TIMELESS: variants seen among roughly 807,000 people sequenced by gnomAD.
The protein encoded by TIMELESS is protein timeless homolog.
TIMELESS carries 124 observed loss-of-function variants against 164.3 expected under a neutral mutation model. That is an observed-to-expected ratio of 0.75 (90% CI 0.65 to 0.88). The LOEUF (loss-of-function observed/expected upper bound fraction) is 0.88, where lower values mean the gene tolerates loss of function less well. TIMELESS is among the 40% of genes least tolerant of loss of function. The pLI is 0.00. For synonymous variants in TIMELESS, 564 were observed against 563.4 expected, an observed-to-expected ratio of 1.00 and a Z score of -0.02; for missense variants, 1,422 against 1,491.4, an observed-to-expected ratio of 0.95 and a Z score of 0.77.
At chr12:56,424,565 A>C (rs1041867458) in intron 15 of TIMELESS, among the ~76,000 whole-genome samples, 197 bp downstream of exon 15, 4 of 152,080 alleles carry the variant, frequency 2.6e-5, no homozygotes, top group African/African-American at 9.7e-5. Context: ...TTTTTTTCTC[A>C]ATTAACTATG....
At chr12:56,446,579 C>T (rs1430282747) in intron 1 of TIMELESS, among the ~76,000 whole-genome samples, 2 of 152,018 alleles carry the variant, frequency 1.3e-5, no homozygotes, top group African/African-American at 4.8e-5. Context: ...GCCTGTAATC[C>T]CAGCACTTTG....
At position 56,433,072 on chromosome 12, in the gene TIMELESS, A is replaced by G. The variant is rs1881947324; in HGVS notation, c.485T>C (p.Leu162Pro). Residue 162 changes from leucine to proline, a missense_variant, in exon 6 of 29, where the codon CTG (leucine) becomes CCG (proline). By Grantham distance (98) the Leu-to-Pro change is moderately conservative (BLOSUM62 -3). Coordinates refer to ENST00000553532, the MANE Select transcript of TIMELESS (RefSeq NM_003920.5). ...TGGGACATGGAGAATATTTCTGACCAGCAGTAGGATCCGTTCAATCAGCAA... is the reference window on the plus strand; with the variant it reads ...TGGGACATGGAGAATATTTCTGACCGGCAGTAGGATCCGTTCAATCAGCAA... ...DNLLIERILL[L>P]VRNILHVPAD... The G allele has an allele frequency of 6.2e-7, 1 of 1,613,840 alleles. No individual in the cohort carries two copies. The highest frequency in any genetic ancestry group is 1.7e-5 in the Admixed American group (1 of 59,962).
chr12:56,430,356 A>C, intron 9 of TIMELESS, 75 bp from the exon 10 acceptor site: 410 of 1,505,412 alleles, frequency 2.7e-4, no homozygotes, highest in Non-Finnish European at 3.3e-4. Flanking sequence ...CAATTTTCTC[A>C]GAAGAAACTA....
chr12:56,428,474 GCTGGGA>G, intron 12 of TIMELESS, 69 bp from the exon 13 acceptor site: 14 of 1,606,960 alleles, frequency 8.7e-6, no homozygotes, highest in Non-Finnish European at 1.2e-5. Context: ...GATGGATGAA[GCTGGGA>G]CTGGGAAGAA....
At position 56,420,844 on chromosome 12, in the gene TIMELESS, C is replaced by G. The variant is rs1881451153; in HGVS notation, c.3078G>C (p.Leu1026=). ...SIPLLWLQNC[L]IRAADDREED... is the part of the protein sequence containing the mutation. The stretch of plus-strand genomic sequence containing the variant: ...CTTCCCGATCATCAGCTGCTCGGAT[C>G]AGGCAGTTCTGGAGCCATAGGAGCG... Residue 1026 remains leucine (L), a synonymous_variant, in exon 25 of 29, where the codon CTG becomes CTC. Coordinates refer to ENST00000553532, the MANE Select transcript of TIMELESS (RefSeq NM_003920.5). 1 of 1,614,078 alleles carries G rather than the reference C, an allele frequency of 6.2e-7. No homozygotes were observed. Among genetic ancestry groups the G allele is most frequent in the South Asian group, 1.1e-5 (1 of 91,092 alleles).
At chr12:56,422,058 G>A (rs1295110894) in intron 20 of TIMELESS, 42 bp from the exon 21 acceptor site, 2 of 1,613,650 alleles carry the variant, frequency 1.2e-6, no homozygotes, top group Non-Finnish European at 1.7e-6. Context: ...AGGTCCCACA[G>A]CTCAAGCTGC....
At chr12:56,426,967 T>C (rs541675362) in intron 13 of TIMELESS, among the ~76,000 whole-genome samples, 10 of 152,256 alleles carry the variant, frequency 6.6e-5, no homozygotes, top group East Asian at 5.8e-4. Context: ...ACCAATAATT[T>C]TATTTTTCAG....
At chr12:56,418,034 A>G (rs1302678901) in intron 27 of TIMELESS, 26 bp from the exon 28 acceptor site, 2 of 1,614,020 alleles carry the variant, frequency 1.2e-6, no homozygotes, top group Non-Finnish European at 1.7e-6. Flanking sequence ...ATGACACAAA[A>G]TTAGGAACTC....
chr12:56,431,036 T>C (rs1040013790), intron 8 of TIMELESS, 68 bp from the exon 9 acceptor site: 2 of 1,122,202 alleles, frequency 1.8e-6, no homozygotes, highest in Non-Finnish European at 2.6e-6. Flanking sequence ...TTCTCTATCA[T>C]CGGCACATTG....
chr12:56,444,797 G>A (rs1040889732), intron 1 of TIMELESS, among the ~76,000 whole-genome samples: 3 of 151,854 alleles, frequency 2.0e-5, no homozygotes, highest in African/African-American at 7.3e-5. Flanking sequence ...TCCTACTTAA[G>A]TGCTGATTTT....
chr12:56,420,779 G>A (rs66491720), intron 25 of TIMELESS, 34 bp downstream of exon 25: 199,312 of 1,613,480 alleles, frequency 0.12, 14,042 homozygotes, highest in Non-Finnish European at 0.14. Context: ...AGCCTCCAGG[G>A]CTCTTCTCCT....
chr12:56,443,623 C>T (rs1318460353), intron 1 of TIMELESS, among the ~76,000 whole-genome samples: 1 of 152,066 alleles, frequency 6.6e-6, no homozygotes, highest in Non-Finnish European at 1.5e-5. Context: ...CCTATTCGTA[C>T]CCCCCTCCCC....
chr12:56,430,055 A>C (rs978423347), intron 10 of TIMELESS, 50 bp downstream of exon 10: 1 of 1,539,354 alleles, frequency 6.5e-7, no homozygotes, highest in Non-Finnish European at 8.8e-7. Flanking sequence ...CTGCATCATC[A>C]CCTGTCTATT....
At chr12:56,440,982 T>C (rs1370715763) in intron 1 of TIMELESS, among the ~76,000 whole-genome samples, 1 of 114,516 alleles carries the variant, frequency 8.7e-6, no homozygotes, top group Non-Finnish European at 2.1e-5. Flanking sequence ...CATGCCAGGC[T>C]AATTTTTTTG....
rs777145769 is a variant in TIMELESS at position 56,433,524 on chromosome 12, A to T, written c.366+14T>A. 2 of 1,614,152 alleles carry T rather than the reference A, an allele frequency of 1.2e-6. No homozygotes were observed. Among genetic ancestry groups the T allele is most frequent in the Non-Finnish European group, 1.7e-6 (2 of 1,179,992 alleles). On this transcript the variant is annotated intron_variant, in intron 4 of 28. Coordinates refer to ENST00000553532, the MANE Select transcript of TIMELESS (RefSeq NM_003920.5). ...CCCATATTCCACCCCAGGGACTCCA[A>T]AGGAAATCCTCACCTCTTTGTAGGC...
In TIMELESS at chr12:56,425,198, G is replaced by A. The variant is rs12824030; in HGVS notation, c.1579-46C>T. The A allele has an allele frequency of 2.8e-5, 44 of 1,567,604 alleles. No individual in the cohort carries two copies. The African/African-American group carries it at 2.9e-4, about 10-fold the overall frequency. ...TAGGATGTCAAGAGAGCTAAAGAGG[G>A]CTTTCCCCATCAGTGTCTTTTCTAT... is the stretch of plus-strand genomic sequence containing the variant. On this transcript the variant is annotated intron_variant, in intron 13 of 28. Transcript: ENST00000553532.
At chr12:56,426,561 T>G (rs1429201474) in intron 13 of TIMELESS, among the ~76,000 whole-genome samples, 1 of 150,764 alleles carries the variant, frequency 6.6e-6, no homozygotes, top group Non-Finnish European at 1.5e-5. Context: ...TAATTTTTGT[T>G]TGTTTGTTTG....
intron 7 of TIMELESS, 124 bp downstream of exon 7, chr12:56,432,245 A>G: frequency 1.7e-6 from 2 of 1,178,016 alleles, no homozygotes; most frequent in Non-Finnish European, 2.4e-6. Context: ...AACTCAAGAC[A>G]TGGCTACTCC....
Position 56,417,609 on chromosome 12 carries a change from C to T in TIMELESS, c.*107G>A. On this transcript the variant is annotated 3_prime_UTR_variant, in exon 29 of 29. Coordinates refer to ENST00000553532, the MANE Select transcript of TIMELESS (RefSeq NM_003920.5). ...CGTGAAAGAGCCTGGGATTCTACTG[C>T]TCTGTCCAGTAAGAGGAGCTTCTGG... is the stretch of plus-strand genomic sequence containing the variant. 1 of 1,079,788 alleles carries T rather than the reference C, an allele frequency of 9.3e-7. No homozygotes were observed. Among genetic ancestry groups the T allele is most frequent in the Non-Finnish European group, 1.4e-6 (1 of 705,714 alleles). The allele number at this position is 1,079,788 out of a possible 1,614,324, so 66.9% of individuals were successfully genotyped here.
Sources: allele counts gnomAD v4.1 joint callset (sites outside exome capture counted in the v4.1 genomes callset), GRCh38; gene constraint gnomAD v4.1.1; transcripts MANE v1.5; gene names NCBI Gene and HGNC (gene_info 2026-07-23, HGNC 2026-07-21).